STMN2: variants seen among roughly 807,000 people sequenced by gnomAD.
The protein encoded by STMN2 is stathmin-2.
In STMN2, 2 loss-of-function variants were observed where a neutral mutation model predicts 24.1. The observed-to-expected ratio is 0.08, with a 90% CI of 0.03 to 0.26. The LOEUF is 0.26. STMN2 is among the 10% of genes least tolerant of loss of function. The probability of loss-of-function intolerance (pLI) is 1.00; values close to 1 mark genes in which losing one functional copy is unlikely to be tolerated. For missense variants in STMN2, 114 were observed against 213.6 expected (o/e 0.53, Z 2.91); for synonymous variants, 83 against 77.5 (o/e 1.07, Z -0.37).
rs917215643 is a variant in STMN2 at position 79,665,683 on chromosome 8, GAATT to G, written c.*817_*820del. On this transcript the variant is annotated 3_prime_UTR_variant, in exon 5 of 5. Coordinates refer to ENST00000220876, the MANE Select transcript of STMN2 (RefSeq NM_007029.4). Reference sequence around the variant, plus strand: ...CTAGTTTAAGTTCTTTTGATGGAATGAATTAATTAATGTGTCAGGTGGCTTATTT... The same window carrying G: ...CTAGTTTAAGTTCTTTTGATGGAATGAATTAATGTGTCAGGTGGCTTATTT... The G allele has an allele frequency of 1.3e-5, 2 of 154,400 alleles. No individual in the cohort carries two copies. Among genetic ancestry groups the G allele is most frequent in the African/African-American group, 4.8e-5 (2 of 41,518 alleles). 9.6% of individuals were successfully genotyped at this position (154,400 alleles called of 1,614,324 possible). A position where few individuals can be genotyped will look rare whatever the true frequency, so the allele number is the denominator to read the frequency against.
At chr8:79,611,246 C>G in intron 1 of STMN2, 32 bp downstream of exon 1, 3 of 1,613,664 alleles carry the variant, frequency 1.9e-6, no homozygotes, top group Middle Eastern at 1.6e-4. Flanking sequence ...TCCGTCGGCT[C>G]TACCTGGAGC....
intron 1 of STMN2, among the ~76,000 whole-genome samples, chr8:79,619,531 C>T (rs1809462339): frequency 6.6e-6 from 1 of 152,108 alleles, no homozygotes; most frequent in African/African-American, 2.4e-5. Flanking sequence ...TTGACTGTTA[C>T]AAAACTGAGA....
intron 3 of STMN2, among the ~76,000 whole-genome samples, chr8:79,644,799 T>C (rs1440213996): frequency 6.6e-6 from 1 of 152,200 alleles, no homozygotes; most frequent in Non-Finnish European, 1.5e-5. Flanking sequence ...GTTATTTTCT[T>C]ACAGATAGAA....
chr8:79,660,655 T>C (rs1806482278), intron 4 of STMN2, among the ~76,000 whole-genome samples: 2 of 152,142 alleles, frequency 1.3e-5, no homozygotes, highest in African/African-American at 2.4e-5. Context: ...TATGTACCTG[T>C]TTTGTAAATG....
chr8:79,611,424 G>T (rs903013523), intron 1 of STMN2, among the ~76,000 whole-genome samples: 9 of 152,172 alleles, frequency 5.9e-5, no homozygotes, highest in African/African-American at 2.2e-4. Flanking sequence ...CTTTTAAAAG[G>T]TAGAAGCGGG....
chr8:79,641,237 A>T, intron 2 of STMN2, 141 bp from the exon 3 acceptor site: 1 of 791,490 alleles, frequency 1.3e-6, no homozygotes, highest in East Asian at 2.7e-5. Context: ...TAAACAACAT[A>T]GAGCAAATGC....
At chr8:79,641,700 T>C in intron 3 of STMN2, 150 bp downstream of exon 3, 1 of 740,278 alleles carries the variant, frequency 1.4e-6, no homozygotes, top group Non-Finnish European at 2.1e-6. Context: ...GCTGAACCTG[T>C]GCCATGCCAA....
intron 1 of STMN2, among the ~76,000 whole-genome samples, chr8:79,624,506 C>A (rs887623538): frequency 1.4e-5 from 2 of 145,278 alleles, no homozygotes; most frequent in Admixed American, 6.8e-5. Flanking sequence ...AAAAAAGTCA[C>A]TTGAAAAGAA....
At chr8:79,621,038 C>T (rs75233340) in intron 1 of STMN2, 31,721 of 984,884 alleles carry the variant, frequency 0.032, 656 homozygotes, top group East Asian at 0.13. Context: ...TGCAACAAGG[C>T]GTCAAGAGGT....
chr8:79,624,453 CAAAAAAAAAAAAAA>C (rs1011493193), intron 1 of STMN2, among the ~76,000 whole-genome samples: 31 of 45,132 alleles, frequency 6.9e-4, no homozygotes, highest in Middle Eastern at 0.014. Flanking sequence ...GACTCCGTCT[CAAAAAAAAAAAAAA>C]AAAAAAAAAA....
At chr8:79,626,297 C>T (rs1809653661) in intron 1 of STMN2, among the ~76,000 whole-genome samples, 1 of 152,184 alleles carries the variant, frequency 6.6e-6, no homozygotes, top group African/African-American at 2.4e-5. Context: ...CATTCACCTG[C>T]CTTCTCTTTC....
intron 1 of STMN2, among the ~76,000 whole-genome samples, chr8:79,617,718 A>G (rs778142103): frequency 7.2e-5 from 11 of 152,258 alleles, no homozygotes; most frequent in African/African-American, 1.9e-4. Context: ...CCTCGAGCCA[A>G]TAAGTCTTCC....
intron 3 of STMN2, among the ~76,000 whole-genome samples, chr8:79,647,851 C>T (rs2130372319): frequency 6.6e-6 from 1 of 152,246 alleles, no homozygotes; most frequent in Non-Finnish European, 1.5e-5. Flanking sequence ...TGCAACTGAC[C>T]CACAAGGGTG....
chr8:79,633,115 G>A (rs1043356563), intron 1 of STMN2, among the ~76,000 whole-genome samples: 2 of 152,084 alleles, frequency 1.3e-5, no homozygotes, highest in African/African-American at 4.8e-5. Flanking sequence ...TTCCAGCAAC[G>A]CCATCTGGGG....
At chr8:79,633,816 C>T (rs954608244) in intron 1 of STMN2, among the ~76,000 whole-genome samples, 15 of 152,186 alleles carry the variant, frequency 9.9e-5, no homozygotes, top group African/African-American at 3.6e-4. Flanking sequence ...AATGATTACT[C>T]ATTATACATA....
chr8:79,650,318 C>T (rs1810307475), intron 3 of STMN2, among the ~76,000 whole-genome samples: 1 of 152,202 alleles, frequency 6.6e-6, no homozygotes, highest in Non-Finnish European at 1.5e-5. Context: ...AATCACAATT[C>T]CTTTCTGCTA....
chr8:79,625,200 G>T (rs1403716732), intron 1 of STMN2, among the ~76,000 whole-genome samples: 1 of 151,952 alleles, frequency 6.6e-6, no homozygotes, highest in Non-Finnish European at 1.5e-5. Flanking sequence ...ATTTTGAACT[G>T]TTTTTTATTT....
chr8:79,618,878 A>C (rs1195733738), intron 1 of STMN2, among the ~76,000 whole-genome samples: 5 of 152,152 alleles, frequency 3.3e-5, no homozygotes, highest in Admixed American at 2.6e-4. Flanking sequence ...TTATACTATA[A>C]AACCATAACA....
chr8:79,638,720 G>C (rs939874594), intron 2 of STMN2, among the ~76,000 whole-genome samples: 2 of 151,968 alleles, frequency 1.3e-5, no homozygotes, highest in Non-Finnish European at 2.9e-5. Flanking sequence ...TCTTTTAAAT[G>C]AGGAAATAAA....
Sources: allele counts gnomAD v4.1 joint callset (sites outside exome capture counted in the v4.1 genomes callset), GRCh38; gene constraint gnomAD v4.1.1; transcripts MANE v1.5; gene names NCBI Gene and HGNC (gene_info 2026-07-23, HGNC 2026-07-21).